The following EMC7 variants were observed in gnomAD, a reference collection of about 807,000 sequenced individuals.
The protein encoded by EMC7 is endoplasmic reticulum membrane protein complex subunit 7.
Under a neutral mutation model 24.4 loss-of-function variants are expected in EMC7, and 4 were observed. The ratio of observed to expected loss-of-function variants is 0.16; its 90% CI spans 0.08 to 0.38. EMC7 has a LOEUF of 0.38. Among genes scored for constraint, EMC7 ranks in the 10% least tolerant of loss-of-function variants. The pLI is 1.00. For missense variants in EMC7, 221 were observed against 300.6 expected (o/e 0.74, Z 1.96); for synonymous variants, 106 against 112.0 (o/e 0.95, Z 0.34).
chr15:34,096,339 T>A (rs1327255516), intron 1 of EMC7, among the ~76,000 whole-genome samples: 1 of 152,032 alleles, frequency 6.6e-6, no homozygotes, highest in Non-Finnish European at 1.5e-5. Context: ...CCCAGCTAAT[T>A]TTTGTATTTT....
At chr15:34,096,136 C>T in intron 1 of EMC7, 122 bp from the exon 2 acceptor site, 1 of 1,177,656 alleles carries the variant, frequency 8.5e-7, no homozygotes, top group Non-Finnish European at 1.1e-6. Flanking sequence ...AACAAACAAA[C>T]AAAACCTTGG....
At chr15:34,088,202 T>C in intron 3 of EMC7, 69 bp from the exon 4 acceptor site, 1 of 1,267,266 alleles carries the variant, frequency 7.9e-7, no homozygotes, top group Non-Finnish European at 1.1e-6. Flanking sequence ...AAACTGCACT[T>C]AACAACCAAT....
intron 1 of EMC7, 137 bp from the exon 2 acceptor site, chr15:34,096,151 A>C: frequency 2.0e-6 from 2 of 1,001,472 alleles, no homozygotes; most frequent in Non-Finnish European, 2.8e-6. Flanking sequence ...CCTTGGCGAA[A>C]GTTGTCCTAT....
intron 2 of EMC7, among the ~76,000 whole-genome samples, chr15:34,092,883 G>A (rs1297150848): frequency 6.6e-6 from 1 of 152,044 alleles, no homozygotes; most frequent in Admixed American, 6.6e-5. Context: ...GAAAAATACT[G>A]TAAGTCAAAA....
At chr15:34,096,683 A>C (rs1048818371) in intron 1 of EMC7, among the ~76,000 whole-genome samples, 6 of 151,936 alleles carry the variant, frequency 3.9e-5, no homozygotes, top group African/African-American at 1.4e-4. Context: ...ACCCCCAACA[A>C]CTTCTTACTG....
At position 34,101,772 on chromosome 15, in the gene EMC7, C is replaced by T. The variant is rs765675291; in HGVS notation, c.68G>A (p.Ser23Asn). Reference protein sequence around the residue: ...LLLLLSGDVQSSEVPGAAAEG... With the variant: ...LLLLLSGDVQNSEVPGAAAEG... ...AGCAGCAGCCCCGGGCACCTCCGAG[C>T]TCTGGACATCCCCCGATAGCAGCAG... The change falls in exon 1 of 5, where the codon AGC (serine) becomes AAC (asparagine). Residue 23 changes from serine (S) to asparagine (N), a missense_variant. This residue lies in a region of EMC7 where 156 missense variants were observed against 177.1 expected (regional missense o/e 0.88). Transcript: ENST00000256545. 1.9e-6 allele frequency: 3 copies of T among 1,613,602 alleles called. No homozygotes were observed. The highest frequency in any genetic ancestry group is 2.5e-6 in the Non-Finnish European group (3 of 1,179,980).
At chr15:34,089,819 G>T (rs1437903572) in intron 3 of EMC7, among the ~76,000 whole-genome samples, 1 of 152,324 alleles carries the variant, frequency 6.6e-6, no homozygotes, top group East Asian at 1.9e-4. Flanking sequence ...AGCCGGGCGT[G>T]GTGGCACATG....
Position 34,101,761 on chromosome 15 carries a change from G to C in EMC7, c.79C>G (p.Pro27Ala), listed in dbSNP as rs1380072396. 47 of 1,613,454 alleles carry C rather than the reference G, an allele frequency of 2.9e-5. No homozygotes were observed. Among genetic ancestry groups the C allele is most frequent in the Non-Finnish European group, 3.9e-5 (46 of 1,179,950 alleles). Residue 27 changes from proline to alanine, a missense_variant, in exon 1 of 5, where the codon CCC becomes GCC. This residue lies in a region of EMC7 where 156 missense variants were observed against 177.1 expected (regional missense o/e 0.88). Transcript: ENST00000256545. ...LSGDVQSSEV[P>A]GAAAEGSGGS... is the part of the protein sequence containing the mutation. Reference sequence around the variant, plus strand: ...CCCGATCCCTCAGCAGCAGCCCCGGGCACCTCCGAGCTCTGGACATCCCCC... The same window carrying C: ...CCCGATCCCTCAGCAGCAGCCCCGGCCACCTCCGAGCTCTGGACATCCCCC...
chr15:34,093,626 A>T (rs971247365), intron 2 of EMC7, among the ~76,000 whole-genome samples: 1 of 150,028 alleles, frequency 6.7e-6, no homozygotes, highest in Non-Finnish European at 1.5e-5. Flanking sequence ...TTTTCAATAT[A>T]AAAAAAATGT....
At chr15:34,088,868 T>G (rs1400374237) in intron 3 of EMC7, among the ~76,000 whole-genome samples, 2 of 152,200 alleles carry the variant, frequency 1.3e-5, no homozygotes, top group African/African-American at 4.8e-5. Flanking sequence ...TTTATTTTTA[T>G]TTTTTGAGAC....
chr15:34,101,755 C>A lies in EMC7; in HGVS notation c.85G>T (p.Ala29Ser), dbSNP rs1285458928. 1 of 1,613,830 alleles carries A rather than the reference C, an allele frequency of 6.2e-7. No individual in the cohort carries two copies. The highest frequency in any genetic ancestry group is 1.1e-5 in the South Asian group (1 of 91,064). The part of the protein sequence containing the change: ...GDVQSSEVPG[A>S]AAEGSGGSGV... ...CTCCCTCCCGATCCCTCAGCAGCAG[C>A]CCCGGGCACCTCCGAGCTCTGGACA... The change falls in exon 1 of 5, where the codon GCT (alanine) becomes TCT (serine). Residue 29 changes from alanine (A) to serine (S), a missense_variant. Ala to Ser is a moderately conservative substitution (Grantham distance 99, BLOSUM62 1). Around this residue, in one of 2 missense-constraint regions of EMC7, gnomAD observed 156 missense variants for 177.1 expected, o/e 0.88. Coordinates refer to ENST00000256545, the MANE Select transcript of EMC7 (RefSeq NM_020154.3).
chr15:34,095,758 A>T (rs1035192373), intron 2 of EMC7, 137 bp downstream of exon 2: 11 of 799,166 alleles, frequency 1.4e-5, no homozygotes, highest in Admixed American at 3.3e-5. Context: ...ATAAACGAGG[A>T]TATTTTAAGT....
chr15:34,084,098 GGACACTGTAATTAATTCAGT>G lies in EMC7; in HGVS notation c.*216_*235del, dbSNP rs1900836228. The G allele has an allele frequency of 4.8e-6, 2 of 413,038 alleles. No homozygotes were observed. The highest frequency in any genetic ancestry group is 8.1e-5 in the Admixed American group (2 of 24,718). The allele number at this position is 413,038 out of a possible 1,614,324, so 25.6% of individuals were successfully genotyped here. A position where few individuals can be genotyped will look rare whatever the true frequency, so the allele number is the denominator to read the frequency against. ...TAATTTATTAATGGCATTTTCTATA[GGACACTGTAATTAATTCAGT>G]GACATCAATATTGACCTCATACAGA... On this transcript the variant is annotated 3_prime_UTR_variant, in exon 5 of 5. Transcript: ENST00000256545.
chr15:34,087,056 TCA>T (rs1321121173), intron 4 of EMC7, among the ~76,000 whole-genome samples: 2 of 152,186 alleles, frequency 1.3e-5, no homozygotes, highest in Non-Finnish European at 2.9e-5. Context: ...AAAGAAAAAG[TCA>T]CAAAATCCCC....
At chr15:34,088,771 G>GAT (rs1257533793) in intron 3 of EMC7, among the ~76,000 whole-genome samples, 1 of 152,112 alleles carries the variant, frequency 6.6e-6, no homozygotes, top group African/African-American at 2.4e-5. Context: ...CTCCCTAGGG[G>GAT]ATATACAGCC....
chr15:34,086,029 G>T, intron 4 of EMC7: 1 of 295,300 alleles, frequency 3.4e-6, no homozygotes, highest in South Asian at 3.6e-5. Context: ...ATCTCAGCAC[G>T]GTAACATTTG....
chr15:34,087,561 C>A (rs761184937), intron 4 of EMC7, among the ~76,000 whole-genome samples: 4 of 152,156 alleles, frequency 2.6e-5, no homozygotes, highest in African/African-American at 4.8e-5. Context: ...CAGGAACAAT[C>A]ACTTTGTAAA....
chr15:34,088,225 G>T, intron 3 of EMC7, 92 bp from the exon 4 acceptor site: 1 of 1,090,320 alleles, frequency 9.2e-7, no homozygotes, highest in Non-Finnish European at 1.3e-6. Context: ...TAAAATTAAA[G>T]ATTTAAACGT....
intron 2 of EMC7, among the ~76,000 whole-genome samples, chr15:34,093,516 T>C (rs904959226): frequency 2.0e-5 from 3 of 151,472 alleles, no homozygotes; most frequent in African/African-American, 7.3e-5. Flanking sequence ...TCCTATTTGC[T>C]AAGACTATTT....
Sources: gnomAD v4.1 joint callset for allele counts (sites outside exome capture counted in the v4.1 genomes callset) on GRCh38, gnomAD v4.1.1 for gene constraint, gnomAD v4.1.1 regional missense constraint, MANE v1.5 for transcripts, NCBI Gene and HGNC (gene_info 2026-07-23, HGNC 2026-07-21) for gene names.